ASCC2: variants seen among roughly 807,000 people sequenced by gnomAD.
ASCC2 encodes the protein activating signal cointegrator 1 complex subunit 2.
A neutral mutation model predicts 93.5 loss-of-function variants in ASCC2; 42 were observed. The observed-to-expected ratio is 0.45, with a 90% CI of 0.35 to 0.58. The LOEUF is 0.58. Among genes scored for constraint, ASCC2 ranks in the 20% least tolerant of loss-of-function variants. The pLI, the probability that ASCC2 is intolerant of heterozygous loss-of-function variation, is 0.00. For missense variants in ASCC2, 859 were observed against 977.6 expected, an observed-to-expected ratio of 0.88 and a Z score of 1.62; for synonymous variants, 364 against 384.2, an observed-to-expected ratio of 0.95 and a Z score of 0.62.
In ASCC2 at chr22:29,794,967, T is replaced by C. The variant is rs553814957; in HGVS notation, c.1689-1291A>G. Reference sequence around the variant, plus strand: ...AGTTGTCTAAATCTTTTTTTTTTTTTTTTGTTACAGGCTAGAGTGCAGTGA... The same window carrying C: ...AGTTGTCTAAATCTTTTTTTTTTTTCTTTGTTACAGGCTAGAGTGCAGTGA... On this transcript the variant is annotated intron_variant, in intron 15 of 19. Coordinates refer to ENST00000307790, the MANE Select transcript of ASCC2 (RefSeq NM_032204.5). Among the ~76,000 whole-genome samples the C allele has an allele frequency of 4.8e-3, 726 of 152,186 alleles. 3 individuals are homozygous for C. Among genetic ancestry groups the C allele is most frequent in the Non-Finnish European group, 8.5e-3 (579 of 67,998 alleles).
intron 9 of ASCC2, among the ~76,000 whole-genome samples, chr22:29,807,267 A>G (rs1355454396): frequency 6.6e-6 from 1 of 151,044 alleles, no homozygotes; most frequent in Non-Finnish European, 1.5e-5. Context: ...AAAAGGGAAA[A>G]GAAAAAGAAA....
In ASCC2 at chr22:29,806,294, C is replaced by T; in HGVS notation, c.1086-4G>A. On this transcript the variant is annotated splice_region_variant and splice_polypyrimidine_tract_variant and intron_variant, in intron 11 of 19. Transcript: ENST00000307790. ...TGCATCATAGTCCCGGAGGAACCTG[C>T]AGGCAGATGAGAGCAGATGGGATGG... is the stretch of plus-strand genomic sequence containing the variant. 6.2e-7 allele frequency: 1 copy of T among 1,614,082 alleles called. No individual in the cohort carries two copies. Among genetic ancestry groups the T allele is most frequent in the Non-Finnish European group, 8.5e-7 (1 of 1,179,970 alleles).
Position 29,793,606 on chromosome 22 carries a change from A to T in ASCC2, c.1759T>A (p.Tyr587Asn). 6.2e-7 allele frequency: 1 copy of T among 1,609,582 alleles called. No homozygotes were observed. The highest frequency in any genetic ancestry group is 2.2e-5 in the East Asian group (1 of 44,672). ...KRAVAAQRQR[Y>N]EQYSVVVEEV... ...TCCACCACCACGCTGTACTGCTCGT[A>T]GCGCTGCCGCTGTGCCGCCACTGCA... Residue 587 changes from tyrosine to asparagine, a missense_variant, in exon 16 of 20, where the codon TAC (tyrosine) becomes AAC (asparagine). Physicochemically the swap from Tyr to Asn is moderately radical, Grantham distance 143. Coordinates refer to ENST00000307790, the MANE Select transcript of ASCC2 (RefSeq NM_032204.5).
intron 15 of ASCC2, among the ~76,000 whole-genome samples, chr22:29,800,768 G>C (rs533733491): frequency 2.6e-5 from 4 of 152,264 alleles, no homozygotes; most frequent in South Asian, 2.1e-4. Context: ...CTATCAACAG[G>C]GGGGATTCAC....
rs151202545 is a variant in ASCC2, at chr22:29,792,435, T to G, written c.2020A>C (p.Lys674Gln). The G allele has an allele frequency of 1.9e-4, 306 of 1,613,890 alleles. 1 individual carries two copies. The Middle Eastern group carries it at 4.3e-3, about 23-fold the overall frequency. Residue 674 changes from lysine to glutamine, a missense_variant and splice_region_variant, in exon 18 of 20, where the codon AAG (lysine) becomes CAG (glutamine). By Grantham distance (53) the Lys-to-Gln change is moderately conservative. Transcript: ENST00000307790. ...EEDDADEEAP[K>Q]PDHFVQDPAV... ...TCTGCTACCTGCCAGGGAGGTACCT[T>G]GGGAGCCTCCTCGTCAGCATCGTCT... is the stretch of plus-strand genomic sequence containing the variant.
chr22:29,825,483 C>T lies in ASCC2; in HGVS notation c.240+139G>A, dbSNP rs185432889. ...GATTGTGATACAAGACAGAGCAATC[C>T]GAACCACAATTTGCTGTTAAGGATC... is the stretch of plus-strand genomic sequence containing the variant. On this transcript the variant is annotated intron_variant, in intron 3 of 19. Coordinates refer to ENST00000307790, the MANE Select transcript of ASCC2 (RefSeq NM_032204.5). This position sits in a 1 kb window ranked among gnomAD's most constrained non-coding sequence, Gnocchi z 4.9. The T allele has an allele frequency of 2.8e-3, 3,630 of 1,292,548 alleles. 8 individuals carry two copies. Among genetic ancestry groups the T allele is most frequent in the Non-Finnish European group, 3.6e-3 (3,267 of 915,604 alleles). 80.1% of individuals were successfully genotyped at this position (1,292,548 alleles called of 1,614,324 possible). A position where few individuals can be genotyped will look rare whatever the true frequency, so the allele number is the denominator to read the frequency against.
Position 29,790,486 on chromosome 22 carries a change from G to A in ASCC2, c.2085C>T (p.Ala695=), listed in dbSNP as rs1601766430. ...ATGCTCACCCTTTCTTGGCGAGAAA[G>A]GCCATGCGCCTGGCTTCTGCCTTCT... ...LREKAEARRM[A]FLAKKGYRHD... The change falls in exon 19 of 20, where the codon GCC becomes GCT. Residue 695 remains alanine, a synonymous_variant. Transcript: ENST00000307790. 1 of 1,614,102 alleles carries A rather than the reference G, an allele frequency of 6.2e-7. No homozygotes were observed. The highest frequency in any genetic ancestry group is 1.1e-5 in the South Asian group (1 of 91,086).
chr22:29,788,775 A>G lies in ASCC2; in HGVS notation c.*238T>C. The G allele has an allele frequency of 1.9e-6, 1 of 540,266 alleles. No homozygotes were observed. The highest frequency in any genetic ancestry group is 2.2e-5 in the South Asian group (1 of 46,024). The allele number at this position is 540,266 out of a possible 1,614,324, so 33.5% of individuals were successfully genotyped here. On this transcript the variant is annotated 3_prime_UTR_variant, in exon 20 of 20. Coordinates refer to ENST00000307790, the MANE Select transcript of ASCC2 (RefSeq NM_032204.5). ...CTTTCCCGCTAGCGCAGCTGGGGGAAGGTGCCTGCTTGCCGGCCCCACGGA... is the reference window on the plus strand; with the variant it reads ...CTTTCCCGCTAGCGCAGCTGGGGGAGGGTGCCTGCTTGCCGGCCCCACGGA...
rs779882369 is a variant in ASCC2, at chr22:29,813,422, C to G, written c.833+8G>C. ...TCTCTATTTCAACAGCCAGAACTAC[C>G]GCCTTACCTGTAACAAAAGTCGTGC... On this transcript the variant is annotated splice_region_variant and intron_variant, in intron 8 of 19. Transcript: ENST00000307790. 2 of 1,574,734 alleles carry G rather than the reference C, an allele frequency of 1.3e-6. No homozygotes were observed. Among genetic ancestry groups the G allele is most frequent in the South Asian group, 1.1e-5 (1 of 90,216 alleles).
intron 1 of ASCC2, among the ~76,000 whole-genome samples, chr22:29,837,737 G>A (rs1243361393): frequency 2.0e-5 from 3 of 152,142 alleles, no homozygotes; most frequent in Admixed American, 6.5e-5. Flanking sequence ...CCCAGTTACT[G>A]TCATAGCTTT....
rs543911638 is a variant in ASCC2 at position 29,806,429 on chromosome 22, G to C, written c.1085+56C>G. ...CTATAGCGGGGGTCTATCATGTAAGGCCTCTTGGGGACCTGTGGGAGGGTC... is the reference window on the plus strand; with the variant it reads ...CTATAGCGGGGGTCTATCATGTAAGCCCTCTTGGGGACCTGTGGGAGGGTC... On this transcript the variant is annotated intron_variant, in intron 11 of 19. Transcript: ENST00000307790. The C allele has an allele frequency of 5.7e-5, 91 of 1,589,728 alleles. No homozygotes were observed. In the East Asian group the frequency reaches 1.9e-3, roughly 32 times the overall value.
At chr22:29,793,158 G>C (rs533743073) in intron 17 of ASCC2, among the ~76,000 whole-genome samples, 2 of 152,096 alleles carry the variant, frequency 1.3e-5, no homozygotes, top group Non-Finnish European at 2.9e-5. Flanking sequence ...TCTCAAAAAA[G>C]AAAAACGCAA....
intron 4 of ASCC2, among the ~76,000 whole-genome samples, chr22:29,822,716 CTTTTTTTT>C (rs748997801): frequency 1.1e-5 from 1 of 93,000 alleles, no homozygotes; most frequent in Admixed American, 1.1e-4. Flanking sequence ...ATTATCATGT[CTTTTTTTT>C]TTTTTTTTTT....
rs747997297 is a variant in ASCC2 at position 29,793,647 on chromosome 22, A to C, written c.1718T>G (p.Leu573Trp). 1.3e-6 allele frequency: 2 copies of C among 1,588,178 alleles called. No individual in the cohort carries two copies. Among genetic ancestry groups the C allele is most frequent in the Admixed American group, 3.6e-5 (2 of 55,740 alleles). ...CGCCACTGCACGCTTGTCGTTCAGC[A>C]AACTCCGCGTGTTTTCCTCCTTCCT... is the stretch of plus-strand genomic sequence containing the variant. The part of the protein sequence containing the change: ...STRKEENTRS[L>W]LNDKRAVAAQ... The change falls in exon 16 of 20, where the codon TTG becomes TGG. Residue 573 changes from leucine (L) to tryptophan (W), a missense_variant. Physicochemically the swap from Leu to Trp is moderately conservative, Grantham distance 61 (BLOSUM62 -2). Transcript: ENST00000307790.
chr22:29,808,101 C>G lies in ASCC2; in HGVS notation c.908+10G>C. 1.2e-6 allele frequency: 2 copies of G among 1,614,088 alleles called. No individual in the cohort carries two copies. The highest frequency in any genetic ancestry group is 8.5e-7 in the Non-Finnish European group (1 of 1,179,964). ...CCACAACAACATTCTTAATTTTGTC[C>G]CCGCCTCACTTGCTATCTTCAAGCC... On this transcript the variant is annotated intron_variant, in intron 9 of 19. Transcript: ENST00000307790.
chr22:29,790,670 C>G, intron 18 of ASCC2, 122 bp from the exon 19 acceptor site: 5 of 1,017,554 alleles, frequency 4.9e-6, no homozygotes, highest in Non-Finnish European at 7.5e-6. Flanking sequence ...GGGGAAGCTG[C>G]AGCCTGGCAG....
intron 8 of ASCC2, among the ~76,000 whole-genome samples, chr22:29,808,809 C>CAAAAAAAAAAAAAA (rs564026837): frequency 9.6e-6 from 1 of 104,600 alleles, no homozygotes. Flanking sequence ...GACCCTATCT[C>CAAAAAAAAAAAAAA]AAAAAAAAAA....
chr22:29,801,862 G>T, intron 14 of ASCC2, 132 bp downstream of exon 14: 1 of 795,714 alleles, frequency 1.3e-6, no homozygotes, highest in Non-Finnish European at 2.0e-6. Flanking sequence ...CCCAAAGAGG[G>T]CTTTAGTTTA....
intron 2 of ASCC2, 56 bp downstream of exon 2, chr22:29,832,189 C>A: frequency 1.3e-6 from 2 of 1,486,636 alleles, no homozygotes; most frequent in South Asian, 1.2e-5. Flanking sequence ...ACTTTTTGCT[C>A]CTGAAATTGC....
Sources: gnomAD v4.1 joint callset for allele counts (sites outside exome capture counted in the v4.1 genomes callset) on GRCh38, gnomAD v4.1.1 for gene constraint, Gnocchi (gnomAD v3.1) non-coding constraint, MANE v1.5 for transcripts, NCBI Gene and HGNC (gene_info 2026-07-23, HGNC 2026-07-21) for gene names.